The following WDR17 variants were observed in gnomAD, a reference collection of about 807,000 sequenced individuals.
The protein encoded by WDR17 is WD repeat domain 17.
Under a neutral mutation model 161.7 loss-of-function variants are expected in WDR17, and 143 were observed. That is an observed-to-expected ratio of 0.88 (90% CI 0.77 to 1.02). The LOEUF is 1.02. Among genes scored for constraint, WDR17 ranks in the 50% least tolerant of loss-of-function variants. WDR17 has a pLI of 0.00. For synonymous variants in WDR17, 517 were observed against 515.6 expected, an observed-to-expected ratio of 1.00 and a Z score of -0.04; for missense variants, 1,469 against 1,520.9, an observed-to-expected ratio of 0.97 and a Z score of 0.57.
chr4:176,096,935 A>G (rs1459606653), intron 1 of WDR17, among the ~76,000 whole-genome samples: 1 of 151,922 alleles, frequency 6.6e-6, no homozygotes, highest in Non-Finnish European at 1.5e-5. Context: ...AAATCATTTC[A>G]TGAAACAGAA....
chr4:176,169,709 A>G (rs903843314), intron 23 of WDR17, among the ~76,000 whole-genome samples: 1 of 152,164 alleles, frequency 6.6e-6, no homozygotes, highest in Non-Finnish European at 1.5e-5. Flanking sequence ...TGAGTATTGT[A>G]TTAATACAGA....
chr4:176,110,754 T>A (rs190441959), intron 1 of WDR17, among the ~76,000 whole-genome samples: 527 of 152,286 alleles, frequency 3.5e-3, no homozygotes, highest in African/African-American at 0.012. Flanking sequence ...AAGCTGTATT[T>A]TAGATACGAG....
chr4:176,123,628 A>C (rs1378447031), intron 4 of WDR17, among the ~76,000 whole-genome samples: 2 of 152,202 alleles, frequency 1.3e-5, no homozygotes, highest in African/African-American at 4.8e-5. Context: ...AAAGATGAAA[A>C]GGGCAAGGCA....
chr4:176,137,562 C>T lies in WDR17; in HGVS notation c.1310C>T (p.Ala437Val). The T allele has an allele frequency of 6.2e-7, 1 of 1,600,378 alleles. No homozygotes were observed. The highest frequency in any genetic ancestry group is 2.3e-5 in the East Asian group (1 of 44,310). Residue 437 changes from alanine to valine, a missense_variant, in exon 9 of 29, where the codon GCT becomes GTT. Transcript: ENST00000508596. ...CIAGGTSRNG[A>V]FIWNVQKGKI... ...GCTGGGGGAACTTCCCGAAATGGTG[C>T]TTTTATTTGGAATGTTCAAAAGGGC... is the stretch of plus-strand genomic sequence containing the variant.
chr4:176,072,380 C>A (rs1189915419), intron 1 of WDR17, among the ~76,000 whole-genome samples: 1 of 152,166 alleles, frequency 6.6e-6, no homozygotes, highest in Admixed American at 6.5e-5. Flanking sequence ...AGCTCCACTC[C>A]AAGGTTCTCA....
chr4:176,117,118 A>G (rs947425657), intron 3 of WDR17, among the ~76,000 whole-genome samples: 4 of 152,004 alleles, frequency 2.6e-5, no homozygotes, highest in Non-Finnish European at 4.4e-5. Context: ...GTGAGCTTCC[A>G]TTAATGTAAT....
rs1265712204 is a variant in WDR17, at chr4:176,080,905, A to G, written c.-7+14826A>G. 2.0e-5 allele frequency among the ~76,000 whole-genome samples: 3 copies of G among 152,108 alleles called. No individual in the cohort carries two copies. In the East Asian group the frequency reaches 5.8e-4, roughly 29 times the overall value. The stretch of plus-strand genomic sequence containing the variant: ...ATCCAGACCTCTGTATTTTAATTTT[A>G]GGAATCTCCACCTACATGTCGCACT... On this transcript the variant is annotated intron_variant, in intron 1 of 28. Coordinates refer to ENST00000508596, the MANE Select transcript of WDR17 (RefSeq NM_181265.4).
rs560663199 is a variant in WDR17 at position 176,167,443 on chromosome 4, G to A, written c.2991-1229G>A. Among the ~76,000 whole-genome samples, 39 of 150,886 alleles carry A rather than the reference G, an allele frequency of 2.6e-4. No homozygotes were observed. In the South Asian group the frequency reaches 6.9e-3, roughly 27 times the overall value. Reference sequence around the variant, plus strand: ...GGGCGGATCACGAGGTCAGGAGATCGAGACCATCCTGGCTAACACGGTGAA... The same window carrying A: ...GGGCGGATCACGAGGTCAGGAGATCAAGACCATCCTGGCTAACACGGTGAA... On this transcript the variant is annotated intron_variant, in intron 22 of 28. Transcript: ENST00000508596.
intron 1 of WDR17, among the ~76,000 whole-genome samples, chr4:176,068,778 G>T (rs1421103693): frequency 6.6e-6 from 1 of 152,048 alleles, no homozygotes; most frequent in East Asian, 1.9e-4. Context: ...TTCTTTCATT[G>T]TTGATAAAAC....
intron 5 of WDR17, among the ~76,000 whole-genome samples, chr4:176,127,810 C>T (rs911242979): frequency 2.6e-5 from 4 of 152,128 alleles, no homozygotes; most frequent in Non-Finnish European, 5.9e-5. Context: ...CCTACAGTCC[C>T]GGATACACAC....
At chr4:176,139,732 T>G (rs1744953190) in intron 9 of WDR17, among the ~76,000 whole-genome samples, 160 bp from the exon 10 acceptor site, 1 of 152,058 alleles carries the variant, frequency 6.6e-6, no homozygotes, top group Admixed American at 6.5e-5. Flanking sequence ...TAGACATTTT[T>G]AAAGTGTATA....
intron 1 of WDR17, among the ~76,000 whole-genome samples, chr4:176,100,339 T>C (rs955762006): frequency 6.6e-6 from 1 of 152,206 alleles, no homozygotes; most frequent in African/African-American, 2.4e-5. Context: ...TCAGTGATGT[T>C]GAGCATTTTT....
chr4:176,141,228 T>C (rs1235711390), intron 10 of WDR17, among the ~76,000 whole-genome samples: 2 of 152,154 alleles, frequency 1.3e-5, no homozygotes, highest in Non-Finnish European at 2.9e-5. Context: ...ATTTTAGTTA[T>C]ATTGCTGAGA....
chr4:176,087,725 A>G (rs1235868524), intron 1 of WDR17, among the ~76,000 whole-genome samples: 2 of 152,110 alleles, frequency 1.3e-5, no homozygotes, highest in Admixed American at 6.5e-5. Context: ...TTTATGTTCC[A>G]CTGAACTAAT....
intron 1 of WDR17, among the ~76,000 whole-genome samples, chr4:176,085,486 A>G (rs1735309302): frequency 6.6e-6 from 1 of 152,118 alleles, no homozygotes. Flanking sequence ...TTATATTCAT[A>G]TTCAGGCTAA....
chr4:176,077,295 C>T (rs1192894985), intron 1 of WDR17, among the ~76,000 whole-genome samples: 1 of 151,636 alleles, frequency 6.6e-6, no homozygotes, highest in Non-Finnish European at 1.5e-5. Context: ...AGCTCCCAGG[C>T]CATGCATGGT....
intron 25 of WDR17, among the ~76,000 whole-genome samples, chr4:176,174,258 GA>G (rs1751150019): frequency 6.6e-6 from 1 of 151,970 alleles, no homozygotes; most frequent in Admixed American, 6.6e-5. Flanking sequence ...CAAGAATGCA[GA>G]AGACGTTCTT....
At chr4:176,121,868 T>C (rs1393225267) in intron 4 of WDR17, among the ~76,000 whole-genome samples, 2 of 152,222 alleles carry the variant, frequency 1.3e-5, no homozygotes, top group African/African-American at 2.4e-5. Flanking sequence ...GTCTGAGATA[T>C]GTGCCTTCCA....
intron 6 of WDR17, among the ~76,000 whole-genome samples, chr4:176,129,631 C>T (rs13116545): frequency 0.25 from 37,552 of 151,904 alleles, 4,768 homozygotes; most frequent in South Asian, 0.28. Context: ...GTGATTGTTT[C>T]CTTCTTACTC....
Sources: allele counts gnomAD v4.1 joint callset (sites outside exome capture counted in the v4.1 genomes callset), GRCh38; gene constraint gnomAD v4.1.1; transcripts MANE v1.5; gene names NCBI Gene and HGNC (gene_info 2026-07-23, HGNC 2026-07-21).